PTAR1: variants seen among roughly 807,000 people sequenced by gnomAD.
The protein encoded by PTAR1 is protein prenyltransferase alpha subunit repeat containing 1.
In PTAR1, 17 loss-of-function variants were observed where a neutral mutation model predicts 45.5. That is an observed-to-expected ratio of 0.37 (90% CI 0.26 to 0.56). The LOEUF is 0.56. Among genes scored for constraint, PTAR1 ranks in the 20% least tolerant of loss-of-function variants. The pLI, the probability that PTAR1 is intolerant of heterozygous loss-of-function variation, is 0.77. For synonymous variants in PTAR1, 169 were observed against 171.3 expected, an observed-to-expected ratio of 0.99 and a Z score of 0.11; for missense variants, 391 against 476.3, an observed-to-expected ratio of 0.82 and a Z score of 1.67.
Position 69,742,657 on chromosome 9 carries a change from T to C in PTAR1, c.257-799A>G, listed in dbSNP as rs535282957. 7.2e-5 allele frequency among the ~76,000 whole-genome samples: 11 copies of C among 152,244 alleles called. 1 individual carries two copies. The highest frequency in any genetic ancestry group is 2.6e-4 in the African/African-American group (11 of 41,584). ...ACTCCTACTAAGCATTTCCAGATTG[T>C]CTTTAAAATAGACTGTATCTATTTA... On this transcript the variant is annotated intron_variant, in intron 2 of 7. Coordinates refer to ENST00000340434, the MANE Select transcript of PTAR1 (RefSeq NM_001099666.2).
chr9:69,734,956 A>G (rs1435492952), intron 3 of PTAR1, among the ~76,000 whole-genome samples: 2 of 152,118 alleles, frequency 1.3e-5, no homozygotes, highest in African/African-American at 4.8e-5. Flanking sequence ...CCTTCTTGTT[A>G]GACATTTAGG....
At chr9:69,747,391 A>T (rs1409068493) in intron 2 of PTAR1, among the ~76,000 whole-genome samples, 3 of 152,256 alleles carry the variant, frequency 2.0e-5, no homozygotes, top group Admixed American at 2.0e-4. Context: ...TAATGCCAAC[A>T]TTAAGACATG....
rs1380639871 is a variant in PTAR1, at chr9:69,715,356, TTCC to T, written c.*2983_*2985del. On this transcript the variant is annotated 3_prime_UTR_variant, in exon 8 of 8. Transcript: ENST00000340434. ...TTAACACTCACAAACAATCTTTCTC[TTCC>T]TGTTAGTCATTCATTAATTTAATAA... The T allele has an allele frequency of 8.5e-5, 13 of 152,114 alleles. No individual in the cohort carries two copies. The highest frequency in any genetic ancestry group is 2.9e-4 in the African/African-American group (12 of 41,442). 9.4% of individuals were successfully genotyped at this position (152,114 alleles called of 1,614,324 possible).
intron 5 of PTAR1, among the ~76,000 whole-genome samples, chr9:69,725,639 A>C (rs1276176014): frequency 6.6e-6 from 1 of 151,402 alleles, no homozygotes; most frequent in Non-Finnish European, 1.5e-5. Context: ...TCAATTTCTT[A>C]AAAAAATTCT....
At chr9:69,742,311 A>C (rs1173603495) in intron 2 of PTAR1, among the ~76,000 whole-genome samples, 1 of 152,102 alleles carries the variant, frequency 6.6e-6, no homozygotes. Context: ...CTCCTGCAAA[A>C]ATTATCCTTT....
intron 5 of PTAR1, among the ~76,000 whole-genome samples, chr9:69,724,040 AT>A (rs1286990546): frequency 3.9e-5 from 6 of 152,236 alleles, no homozygotes; most frequent in African/African-American, 1.4e-4. Flanking sequence ...TTTATTTTAC[AT>A]TTAATAAATG....
chr9:69,718,825 A>T (rs1161967637), intron 6 of PTAR1, 141 bp from the exon 7 acceptor site: 2 of 585,700 alleles, frequency 3.4e-6, no homozygotes, highest in African/African-American at 3.7e-5. Context: ...CAGAGGAAGG[A>T]GGAAAAACAG....
In PTAR1 at chr9:69,732,617, C is replaced by A. The variant is rs148397043; in HGVS notation, c.429-265G>T. On this transcript the variant is annotated intron_variant, in intron 4 of 7. Transcript: ENST00000340434. ...ATCTGTAATACAGAGAATGTCATTACTTCTAAAATGACAATCCCAAAACTC... is the reference window on the plus strand; with the variant it reads ...ATCTGTAATACAGAGAATGTCATTAATTCTAAAATGACAATCCCAAAACTC... Among the ~76,000 whole-genome samples the A allele has an allele frequency of 5.1e-3, 778 of 151,670 alleles. 7 individuals are homozygous for A. The highest frequency in any genetic ancestry group is 0.018 in the African/African-American group (741 of 41,344).
intron 6 of PTAR1, among the ~76,000 whole-genome samples, chr9:69,722,422 T>C (rs981926689): frequency 6.6e-6 from 1 of 152,212 alleles, no homozygotes; most frequent in Admixed American, 6.5e-5. Context: ...CTGAAGTTGA[T>C]AGGTTGCTAA....
At chr9:69,745,071 C>A (rs953495045) in intron 2 of PTAR1, among the ~76,000 whole-genome samples, 2 of 152,298 alleles carry the variant, frequency 1.3e-5, no homozygotes, top group East Asian at 3.9e-4. Flanking sequence ...GTGTTGTGAG[C>A]AATGAAATTC....
At chr9:69,740,369 T>A (rs747469004) in intron 3 of PTAR1, among the ~76,000 whole-genome samples, 1 of 152,062 alleles carries the variant, frequency 6.6e-6, no homozygotes, top group African/African-American at 2.4e-5. Flanking sequence ...GCTTATAGAA[T>A]ATACAATGAA....
intron 2 of PTAR1, among the ~76,000 whole-genome samples, chr9:69,746,533 C>T (rs942442845): frequency 6.6e-5 from 10 of 152,132 alleles, no homozygotes; most frequent in South Asian, 4.1e-4. Flanking sequence ...ATCAACAATA[C>T]GCCATTTCCT....
At position 69,710,143 on chromosome 9, in the gene PTAR1, T is replaced by C. The variant is rs1330911920; in HGVS notation, c.*8199A>G. 6.6e-6 allele frequency: 1 copy of C among 152,116 alleles called. No individual in the cohort carries two copies. The highest frequency in any genetic ancestry group is 6.6e-5 in the Admixed American group (1 of 15,264). The allele number at this position is 152,116 out of a possible 1,614,324, so 9.4% of individuals were successfully genotyped here. On this transcript the variant is annotated 3_prime_UTR_variant, in exon 8 of 8. Coordinates refer to ENST00000340434, the MANE Select transcript of PTAR1 (RefSeq NM_001099666.2). ...AAAGTCATATTTTATACTCTATGAA[T>C]CTGTACTGTCCAGTATAGTAGCCCT... is the stretch of plus-strand genomic sequence containing the variant.
At chr9:69,727,024 TATACACACACACACACAC>T (rs986417188) in intron 5 of PTAR1, among the ~76,000 whole-genome samples, 1 of 65,788 alleles carries the variant, frequency 1.5e-5, no homozygotes, top group African/African-American at 3.8e-5. Flanking sequence ...AAATTGTGTA[TATACACACACACACACAC>T]ACACACACAC....
rs1824613471 is a variant in PTAR1 at position 69,713,746 on chromosome 9, C to G, written c.*4596G>C. 6.6e-6 allele frequency: 1 copy of G among 152,054 alleles called. No homozygotes were observed. Among genetic ancestry groups the G allele is most frequent in the Admixed American group, 6.6e-5 (1 of 15,230 alleles). 9.4% of individuals were successfully genotyped at this position (152,054 alleles called of 1,614,324 possible). On this transcript the variant is annotated 3_prime_UTR_variant, in exon 8 of 8. Coordinates refer to ENST00000340434, the MANE Select transcript of PTAR1 (RefSeq NM_001099666.2). ...ACACACCATCCTCTAAATGGGATGC[C>G]TCCAACCCCCAAAACGTTAGTTGCC...
chr9:69,748,421 T>C (rs1826374711), intron 2 of PTAR1, among the ~76,000 whole-genome samples: 1 of 149,856 alleles, frequency 6.7e-6, no homozygotes, highest in South Asian at 2.1e-4. Context: ...AAAAAATCAA[T>C]CTCTAACTAA....
chr9:69,755,252 A>T (rs1826720633), intron 1 of PTAR1, among the ~76,000 whole-genome samples: 1 of 152,178 alleles, frequency 6.6e-6, no homozygotes, highest in Non-Finnish European at 1.5e-5. Context: ...GACTGCTCCA[A>T]AGGCAGAGCA....
chr9:69,729,180 C>T lies in PTAR1; in HGVS notation c.642+2959G>A, dbSNP rs201234113. Among the ~76,000 whole-genome samples, 4 of 151,874 alleles carry T rather than the reference C, an allele frequency of 2.6e-5. No homozygotes were observed. The East Asian group carries it at 7.7e-4, about 29-fold the overall frequency. The stretch of plus-strand genomic sequence containing the variant: ...ACTAAAAATATAAAAATTAGCTGGG[C>T]GTGGTAGTGGGTGCCTGTAATCCCA... On this transcript the variant is annotated intron_variant, in intron 5 of 7. Transcript: ENST00000340434.
intron 2 of PTAR1, among the ~76,000 whole-genome samples, chr9:69,747,662 G>A (rs1365242872): frequency 2.0e-5 from 3 of 152,170 alleles, no homozygotes; most frequent in East Asian, 1.9e-4. Context: ...AAGAGTAGAG[G>A]CTGTATGTCC....
Sources: allele counts gnomAD v4.1 joint callset (sites outside exome capture counted in the v4.1 genomes callset), GRCh38; gene constraint gnomAD v4.1.1; transcripts MANE v1.5; gene names NCBI Gene and HGNC (gene_info 2026-07-23, HGNC 2026-07-21).